RBFOX3: variants seen among roughly 807,000 people sequenced by gnomAD.
The protein encoded by RBFOX3 is RNA binding fox-1 homolog 3.
In RBFOX3, 17 loss-of-function variants were observed where a neutral mutation model predicts 48.7. The ratio of observed to expected loss-of-function variants is 0.35; its 90% confidence interval spans 0.24 to 0.52. The LOEUF (loss-of-function observed/expected upper bound fraction) is 0.52. Ranked by LOEUF, RBFOX3 falls within the 20% of genes least tolerant of loss-of-function variation. The pLI, the probability that RBFOX3 is intolerant of heterozygous loss-of-function variation, is 0.94. For synonymous variants in RBFOX3, 212 were observed against 209.5 expected (o/e 1.01, Z -0.10); for missense variants, 382 against 497.5 (o/e 0.77, Z 2.21).
At chr17:79,474,156 C>T (rs1009518645) in intron 2 of RBFOX3, among the ~76,000 whole-genome samples, 4 of 152,050 alleles carry the variant, frequency 2.6e-5, no homozygotes, top group African/African-American at 7.2e-5. Context: ...GGAATCACAT[C>T]GAGGGGCCTC....
intron 1 of RBFOX3, among the ~76,000 whole-genome samples, chr17:79,540,357 G>C (rs2089499164): frequency 6.6e-6 from 1 of 152,260 alleles, no homozygotes; most frequent in Admixed American, 6.5e-5. Context: ...GTGCACGGAA[G>C]GGAGTCGGCA....
At chr17:79,394,978 AC>A (rs2061817333) in intron 2 of RBFOX3, among the ~76,000 whole-genome samples, 1 of 152,206 alleles carries the variant, frequency 6.6e-6, no homozygotes, top group African/African-American at 2.4e-5. Context: ...GTGGATGAGA[AC>A]CCAGGGTTAA....
intron 4 of RBFOX3, among the ~76,000 whole-genome samples, chr17:79,180,845 C>T (rs932562940): frequency 7.9e-5 from 12 of 151,822 alleles, no homozygotes; most frequent in South Asian, 2.1e-4. Context: ...GCTCAAAGCC[C>T]GGGGCAACAG....
chr17:79,281,219 A>C (rs2070385591), intron 3 of RBFOX3, among the ~76,000 whole-genome samples: 1 of 152,348 alleles, frequency 6.6e-6, no homozygotes, highest in East Asian at 1.9e-4. Context: ...TTGGATAATG[A>C]TGGGACTACC....
intron 3 of RBFOX3, among the ~76,000 whole-genome samples, chr17:79,261,111 C>A (rs1225384657): frequency 6.6e-6 from 1 of 152,144 alleles, no homozygotes; most frequent in Non-Finnish European, 1.5e-5. Context: ...TACCCCTACA[C>A]CCCTCCAGTT....
Position 79,195,615 on chromosome 17 carries a change from A to T in RBFOX3, c.-34+40151T>A, listed in dbSNP as rs1398224935. ...TGATATCTGAGACTGGGGCCTCCTT[A>T]TTTTGTCCTACCATTGCAGCTGTGC... On this transcript the variant is annotated intron_variant, in intron 4 of 14. Coordinates refer to ENST00000693108, the MANE Select transcript of RBFOX3 (RefSeq NM_001350451.2). The surrounding 1 kb of genome is among the most constrained non-coding windows in gnomAD (Gnocchi z 5.3). Among the ~76,000 whole-genome samples, 1 of 152,008 alleles carries T rather than the reference A, an allele frequency of 6.6e-6. No homozygotes were observed. The highest frequency in any genetic ancestry group is 1.5e-5 in the Non-Finnish European group (1 of 68,014).
chr17:79,422,162 C>A (rs556022090), intron 2 of RBFOX3, among the ~76,000 whole-genome samples: 2 of 152,050 alleles, frequency 1.3e-5, no homozygotes, highest in Non-Finnish European at 2.9e-5. Flanking sequence ...CTGATGATAG[C>A]TGCTCTGGAG....
chr17:79,384,923 G>A (rs758694423), intron 2 of RBFOX3, among the ~76,000 whole-genome samples: 12 of 152,260 alleles, frequency 7.9e-5, no homozygotes, highest in Non-Finnish European at 1.3e-4. Context: ...GCTACACGCC[G>A]GCTGCTGCCC....
chr17:79,180,843 C>T (rs116660804), intron 4 of RBFOX3, among the ~76,000 whole-genome samples: 1,622 of 151,998 alleles, frequency 0.011, 24 homozygotes, highest in African/African-American at 0.037. Flanking sequence ...ATGCTCAAAG[C>T]CCGGGGCAAC....
intron 2 of RBFOX3, among the ~76,000 whole-genome samples, chr17:79,323,040 C>T (rs1258800333): frequency 1.3e-5 from 2 of 152,210 alleles, no homozygotes; most frequent in Non-Finnish European, 2.9e-5. Context: ...AGGCTGGGAA[C>T]CAAGCAGGCC....
At chr17:79,519,330 G>C (rs927719847) in intron 1 of RBFOX3, among the ~76,000 whole-genome samples, 20 of 152,376 alleles carry the variant, frequency 1.3e-4, no homozygotes, top group African/African-American at 4.1e-4. Context: ...AGACCTGCCA[G>C]TGACGGCAAG....
At chr17:79,371,421 T>C (rs2058524097) in intron 2 of RBFOX3, among the ~76,000 whole-genome samples, 1 of 152,214 alleles carries the variant, frequency 6.6e-6, no homozygotes, top group Non-Finnish European at 1.5e-5. Flanking sequence ...TCCCCTTTCC[T>C]GCTCCCTGTG....
intron 2 of RBFOX3, among the ~76,000 whole-genome samples, chr17:79,462,784 C>T (rs912696812): frequency 3.3e-5 from 5 of 152,180 alleles, no homozygotes; most frequent in Admixed American, 2.0e-4. Context: ...ACTACACACA[C>T]GTCTATCTTT....
At chr17:79,487,685 G>A (rs2079838056) in intron 1 of RBFOX3, among the ~76,000 whole-genome samples, 2 of 152,096 alleles carry the variant, frequency 1.3e-5, no homozygotes, top group Non-Finnish European at 2.9e-5. Flanking sequence ...GCTGAGGTGG[G>A]TGGATCACGA....
At chr17:79,142,247 T>G (rs574589189) in intron 4 of RBFOX3, among the ~76,000 whole-genome samples, 1 of 152,294 alleles carries the variant, frequency 6.6e-6, no homozygotes, top group African/African-American at 2.4e-5. Context: ...GTCCCCGGCC[T>G]CTGGCCCGAC....
chr17:79,468,853 CAGCAG>C (rs2076677626), intron 2 of RBFOX3, among the ~76,000 whole-genome samples: 1 of 122,656 alleles, frequency 8.2e-6, no homozygotes, highest in African/African-American at 3.0e-5. Flanking sequence ...GATAGATAGA[CAGCAG>C]ATAGGCAGGC....
chr17:79,173,219 A>ATACATACATACATACATAC (rs1555730608), intron 4 of RBFOX3, among the ~76,000 whole-genome samples: 4,255 of 150,662 alleles, frequency 0.028, 135 homozygotes, highest in African/African-American at 0.09. Context: ...TAAATAAATA[A>ATACATACATACATACATAC]ATACATACAT....
intron 1 of RBFOX3, among the ~76,000 whole-genome samples, chr17:79,489,066 A>C (rs1178145448): frequency 6.6e-6 from 1 of 152,120 alleles, no homozygotes; most frequent in East Asian, 1.9e-4. Flanking sequence ...CACCAGAAAT[A>C]TGCTTGCATT....
intron 10 of RBFOX3, 105 bp downstream of exon 10, chr17:79,097,586 AC>A (rs2075602083): frequency 1.6e-6 from 2 of 1,227,636 alleles, no homozygotes; most frequent in African/African-American, 1.8e-5. Flanking sequence ...GAGGGCGGGG[AC>A]GGCCCACCTG....
Sources: allele counts gnomAD v4.1 joint callset (sites outside exome capture counted in the v4.1 genomes callset), GRCh38; gene constraint gnomAD v4.1.1; non-coding constraint Gnocchi (gnomAD v3.1); transcripts MANE v1.5; gene names NCBI Gene and HGNC (gene_info 2026-07-23, HGNC 2026-07-21).